The following STPG2 variants were observed in gnomAD, a reference collection of about 807,000 sequenced individuals.
STPG2 encodes the protein sperm-tail PG-rich repeat-containing protein 2.
In STPG2, 56 loss-of-function variants were observed where a neutral mutation model predicts 54.2. The observed-to-expected ratio is 1.03, with a 90% confidence interval of 0.83 to 1.29. The LOEUF (loss-of-function observed/expected upper bound fraction) is 1.29, where lower values mean the gene tolerates loss of function less well. Ranked by LOEUF, STPG2 falls within the 50% of genes most tolerant of loss-of-function variation. The pLI, the probability that STPG2 is intolerant of heterozygous loss-of-function variation, is 0.00. For synonymous variants in STPG2, 200 were observed against 181.8 expected (o/e 1.10, Z -0.81); for missense variants, 596 against 544.9 (o/e 1.09, Z -0.93).
chr4:97,870,175 T>C (rs1026419459), intron 8 of STPG2, among the ~76,000 whole-genome samples: 5 of 151,612 alleles, frequency 3.3e-5, no homozygotes, highest in Non-Finnish European at 5.9e-5. Flanking sequence ...ACAATATGTA[T>C]GTTCTTGATA....
chr4:97,671,400 C>G (rs1353324047), intron 10 of STPG2, among the ~76,000 whole-genome samples: 1 of 152,084 alleles, frequency 6.6e-6, no homozygotes, highest in Non-Finnish European at 1.5e-5. Context: ...TCGTATTTAC[C>G]AATAACATTT....
At chr4:97,666,293 CCT>C (rs1192871510) in intron 10 of STPG2, among the ~76,000 whole-genome samples, 11 of 152,180 alleles carry the variant, frequency 7.2e-5, no homozygotes, top group African/African-American at 2.4e-4. Flanking sequence ...ATGGCAGTGG[CCT>C]CTCTAGATGG....
At chr4:97,990,985 T>C (rs1734983188) in intron 5 of STPG2, among the ~76,000 whole-genome samples, 1 of 152,100 alleles carries the variant, frequency 6.6e-6, no homozygotes, top group African/African-American at 2.4e-5. Flanking sequence ...TCTTTAGTGG[T>C]GATTTCTGAG....
intron 10 of STPG2, among the ~76,000 whole-genome samples, chr4:97,683,630 A>G (rs1723098046): frequency 6.6e-6 from 1 of 151,820 alleles, no homozygotes; most frequent in African/African-American, 2.4e-5. Flanking sequence ...AACTTGAAAA[A>G]TAACATCTAC....
chr4:97,869,781 C>T (rs1022155069), intron 8 of STPG2, among the ~76,000 whole-genome samples: 3 of 151,580 alleles, frequency 2.0e-5, no homozygotes, highest in Non-Finnish European at 4.4e-5. Flanking sequence ...TCAGTAATTT[C>T]CTGAGAGTAT....
At chr4:98,130,921 C>CAAAAAAAAAAA (rs34206321) in intron 2 of STPG2, among the ~76,000 whole-genome samples, 2 of 41,542 alleles carry the variant, frequency 4.8e-5, no homozygotes, top group Non-Finnish European at 8.9e-5. Flanking sequence ...GACTCCGTCT[C>CAAAAAAAAAAA]AAAAAAAAAA....
intron 5 of STPG2, among the ~76,000 whole-genome samples, chr4:98,064,685 T>A (rs1336999233): frequency 6.6e-6 from 1 of 152,216 alleles, no homozygotes; most frequent in Non-Finnish European, 1.5e-5. Context: ...TTCAAGAAAG[T>A]TGCATACTTG....
At chr4:97,865,460 A>G (rs1729732879) in intron 8 of STPG2, among the ~76,000 whole-genome samples, 1 of 152,200 alleles carries the variant, frequency 6.6e-6, no homozygotes, top group Non-Finnish European at 1.5e-5. Context: ...GAGGATGTGG[A>G]AAAATAGGAA....
chr4:98,004,970 T>TAAAA (rs70953102), intron 5 of STPG2, among the ~76,000 whole-genome samples: 11,320 of 142,254 alleles, frequency 0.08, 735 homozygotes, highest in African/African-American at 0.18. Context: ...TCTTTGCTGT[T>TAAAA]AAAAAAAAAA....
intron 8 of STPG2, among the ~76,000 whole-genome samples, chr4:97,864,566 T>C (rs1209969100): frequency 2.0e-5 from 3 of 152,156 alleles, no homozygotes; most frequent in Non-Finnish European, 2.9e-5. Context: ...CCAATGACTT[T>C]CTTCACAGAA....
intron 5 of STPG2, among the ~76,000 whole-genome samples, chr4:98,092,009 T>C (rs1160430880): frequency 6.6e-6 from 1 of 151,990 alleles, no homozygotes; most frequent in African/African-American, 2.4e-5. Flanking sequence ...TCTTAAAATT[T>C]TACCATGAAT....
chr4:97,777,684 G>A (rs184816), intron 9 of STPG2, among the ~76,000 whole-genome samples: 24,514 of 151,992 alleles, frequency 0.16, 2,140 homozygotes, highest in East Asian at 0.36. Context: ...AATCCCTACC[G>A]TTCTGTTGCA....
At chr4:98,124,007 C>T (rs952185786) in intron 3 of STPG2, among the ~76,000 whole-genome samples, 7 of 152,080 alleles carry the variant, frequency 4.6e-5, no homozygotes, top group Non-Finnish European at 1.0e-4. Context: ...ACAACCCTTG[C>T]TTTTTTCTGT....
chr4:97,853,039 C>T (rs571852612), intron 8 of STPG2, among the ~76,000 whole-genome samples: 4 of 121,728 alleles, frequency 3.3e-5, no homozygotes, highest in South Asian at 5.2e-4. Flanking sequence ...TGCAGTGGAG[C>T]GATCTCGGCT....
intron 3 of STPG2, among the ~76,000 whole-genome samples, chr4:98,117,348 T>C (rs74867734): frequency 9.6e-4 from 146 of 152,088 alleles, no homozygotes; most frequent in African/African-American, 3.3e-3. Context: ...CCCTCAAGAT[T>C]TTCTTTTTGT....
intron 10 of STPG2, among the ~76,000 whole-genome samples, chr4:97,628,510 T>C (rs1721122378): frequency 6.6e-6 from 1 of 152,180 alleles, no homozygotes; most frequent in South Asian, 2.1e-4. Flanking sequence ...AATTTGTGAT[T>C]TGTATTTTAA....
Position 97,686,556 on chromosome 4 carries a change from C to T in STPG2, c.1320+26143G>A, listed in dbSNP as rs1486866479. 2.6e-5 allele frequency among the ~76,000 whole-genome samples: 4 copies of T among 152,068 alleles called. No individual in the cohort carries two copies. In the East Asian group the frequency reaches 7.7e-4, roughly 29 times the overall value. On this transcript the variant is annotated intron_variant, in intron 10 of 10. Transcript: ENST00000295268. Reference sequence around the variant, plus strand: ...GTTAGAATCCTGGAATGCCAGCCTTCCAGAGGCAAACTGGGAGAAGGCTGG... The same window carrying T: ...GTTAGAATCCTGGAATGCCAGCCTTTCAGAGGCAAACTGGGAGAAGGCTGG...
Position 98,047,145 on chromosome 4 carries a change from G to A in STPG2, c.612+58808C>T, listed in dbSNP as rs141078732. Among the ~76,000 whole-genome samples, 163 of 152,148 alleles carry A rather than the reference G, an allele frequency of 1.1e-3. 1 individual carries two copies. Among genetic ancestry groups the A allele is most frequent in the South Asian group, 3.9e-3 (19 of 4,816 alleles). On this transcript the variant is annotated intron_variant, in intron 5 of 10. Transcript: ENST00000295268. Reference sequence around the variant, plus strand: ...CACATCCATTTAAACCCACCTCTTCGTTCTATGTGGTCTCAGGGAACTCCC... The same window carrying A: ...CACATCCATTTAAACCCACCTCTTCATTCTATGTGGTCTCAGGGAACTCCC...
At chr4:97,878,671 C>A (rs1384423980) in intron 8 of STPG2, among the ~76,000 whole-genome samples, 1 of 152,162 alleles carries the variant, frequency 6.6e-6, no homozygotes, top group Admixed American at 6.5e-5. Flanking sequence ...ATTATTTCCT[C>A]CTGGCCTCTG....
Sources: allele counts gnomAD v4.1 joint callset (sites outside exome capture counted in the v4.1 genomes callset), GRCh38; gene constraint gnomAD v4.1.1; transcripts MANE v1.5; gene names NCBI Gene and HGNC (gene_info 2026-07-23, HGNC 2026-07-21).